Variants in COL16A1 observed in about 807,000 individuals in gnomAD.
The protein encoded by COL16A1 is collagen type XVI alpha 1 chain, also known as collagen alpha-1(XVI) chain.
Under a neutral mutation model 266.3 loss-of-function variants are expected in COL16A1, and 189 were observed. The observed-to-expected ratio is 0.71, with a 90% CI of 0.63 to 0.80. The LOEUF is 0.80. Ranked by LOEUF, COL16A1 falls within the 30% of genes least tolerant of loss-of-function variation. The pLI, the probability that COL16A1 is intolerant of heterozygous loss-of-function variation, is 0.00. For missense variants in COL16A1, 1,928 were observed against 2,122.4 expected (o/e 0.91, Z 1.80); for synonymous variants, 740 against 782.3 (o/e 0.95, Z 0.90).
At chr1:31,681,178 G>C in intron 37 of COL16A1, 111 bp from the exon 38 acceptor site, 44 of 1,440,356 alleles carry the variant, frequency 3.1e-5, no homozygotes, top group Non-Finnish European at 4.0e-5. Context: ...GGTTCCCCTG[G>C]AGCCCAGGGC....
chr1:31,674,859 A>T, intron 44 of COL16A1, 148 bp downstream of exon 44: 1 of 1,299,564 alleles, frequency 7.7e-7, no homozygotes, highest in Non-Finnish European at 1.0e-6. Flanking sequence ...GGCATCAGCT[A>T]GGCCCTCTTA....
At chr1:31,693,566 A>G (rs891160268) in intron 12 of COL16A1, among the ~76,000 whole-genome samples, 9 of 152,188 alleles carry the variant, frequency 5.9e-5, no homozygotes, top group Non-Finnish European at 1.3e-4. Context: ...CACTCAGAGC[A>G]GGTCATGTCG....
At position 31,685,261 on chromosome 1, in the gene COL16A1, C is replaced by A. The variant is rs1243230378; in HGVS notation, c.2016+378G>T. ...ATAACCACAGTGGTAACTGCCATTT[C>A]CCCAGTGCCCATGGTGTACCACTAA... On this transcript the variant is annotated intron_variant, in intron 29 of 70. Transcript: ENST00000373672. The surrounding 1 kb of genome is among the most constrained non-coding windows in gnomAD (Gnocchi z 4.0). Among the ~76,000 whole-genome samples the A allele has an allele frequency of 6.8e-6, 1 of 147,388 alleles. No individual in the cohort carries two copies. Among genetic ancestry groups the A allele is most frequent in the Non-Finnish European group, 1.5e-5 (1 of 67,992 alleles).
rs75242927 is a variant in COL16A1 at position 31,684,644 on chromosome 1, G to A, written c.2053-14C>T. ...CCCAGCATCACCCTGTAAGGAGTGG[G>A]GTTCAAGGAAAGCAAGGATGGCCCA... is the stretch of plus-strand genomic sequence containing the variant. On this transcript the variant is annotated splice_polypyrimidine_tract_variant and intron_variant, in intron 30 of 70. Transcript: ENST00000373672. The A allele has an allele frequency of 2.3e-3, 3,669 of 1,612,608 alleles. 78 individuals are homozygous for A. The African/African-American group carries it at 0.044, about 19-fold the overall frequency.
At chr1:31,662,220 C>T in intron 58 of COL16A1, 114 bp downstream of exon 58, 1 of 1,534,880 alleles carries the variant, frequency 6.5e-7, no homozygotes. Context: ...GGCATGGGTG[C>T]CCCCTGACAA....
At chr1:31,676,756 T>C (rs1157994238) in intron 42 of COL16A1, among the ~76,000 whole-genome samples, 2 of 152,154 alleles carry the variant, frequency 1.3e-5, no homozygotes, top group Admixed American at 6.5e-5. Context: ...AGGCAGGGAG[T>C]ATGTTCCATT....
intron 42 of COL16A1, among the ~76,000 whole-genome samples, chr1:31,675,922 G>A (rs1643143894): frequency 6.6e-6 from 1 of 152,152 alleles, no homozygotes; most frequent in Non-Finnish European, 1.5e-5. Flanking sequence ...CTCTCAAAAT[G>A]TTGAAATTAT....
At position 31,658,506 on chromosome 1, in the gene COL16A1, AG is replaced by A; in HGVS notation, c.4001del (p.Pro1334LeufsTer101). The A allele has an allele frequency of 6.2e-7, 1 of 1,603,854 alleles. No homozygotes were observed. On this transcript the variant is annotated frameshift_variant, in exon 64 of 71. Transcript: ENST00000373672. LOFTEE classifies it high-confidence loss of function. ...LAGLPGQPGP[P>X]GHPGPPGEPG... is the part of the protein sequence containing the mutation. The stretch of plus-strand genomic sequence containing the variant: ...ATCTTACTGGGGGGCCAGGGTGTCC[AG>A]GGGGGCCGGGCTGGCCTGGGAGGCC...
intron 39 of COL16A1, 92 bp downstream of exon 39, chr1:31,680,813 G>A: frequency 1.2e-6 from 2 of 1,601,446 alleles, no homozygotes; most frequent in South Asian, 2.2e-5. Flanking sequence ...GGCTGGAGGG[G>A]CTGCTAATCC....
At chr1:31,674,325 A>C (rs932697456) in intron 44 of COL16A1, among the ~76,000 whole-genome samples, 1 of 152,164 alleles carries the variant, frequency 6.6e-6, no homozygotes, top group Non-Finnish European at 1.5e-5. Flanking sequence ...CTCCTTCAAA[A>C]ACCTGAAGGC....
intron 12 of COL16A1, 126 bp from the exon 13 acceptor site, chr1:31,693,280 G>A (rs1398371514): frequency 1.5e-6 from 1 of 666,838 alleles, no homozygotes; most frequent in South Asian, 1.6e-5. Flanking sequence ...ACGCACACAT[G>A]TGAGCAGTGT....
At chr1:31,665,861 C>A (rs762955101) in intron 54 of COL16A1, 21 bp downstream of exon 54, 1 of 1,614,024 alleles carries the variant, frequency 6.2e-7, no homozygotes, top group East Asian at 2.2e-5. Flanking sequence ...TCCCTGCAGC[C>A]AGGTCCCAGT....
chr1:31,681,444 C>T (rs79756711), intron 37 of COL16A1, among the ~76,000 whole-genome samples: 184 of 152,366 alleles, frequency 1.2e-3, no homozygotes, highest in African/African-American at 4.1e-3. Flanking sequence ...CTGCTCTCTC[C>T]TCTCTCCCTT....
rs143305577 is a variant in COL16A1 at position 31,701,845 on chromosome 1, C to T, written c.73+276G>A. Among the ~76,000 whole-genome samples the T allele has an allele frequency of 3.5e-3, 527 of 152,222 alleles. 2 individuals are homozygous for T. Among genetic ancestry groups the T allele is most frequent in the African/African-American group, 0.012 (505 of 41,514 alleles). ...GGTTGTTCTCTTACACACAGAGACA[C>T]AGGAATACATACGAATGCACAAAGC... On this transcript the variant is annotated intron_variant, in intron 2 of 70. Coordinates refer to ENST00000373672, the MANE Select transcript of COL16A1 (RefSeq NM_001856.4).
At chr1:31,661,637 C>G in intron 59 of COL16A1, 23 bp downstream of exon 59, 4 of 1,613,970 alleles carry the variant, frequency 2.5e-6, no homozygotes, top group Non-Finnish European at 2.5e-6. Flanking sequence ...CAGCTTCCAA[C>G]TCCTTCCTGC....
intron 70 of COL16A1, 54 bp downstream of exon 70, chr1:31,653,544 GA>G (rs1366175297): frequency 1.0e-5 from 16 of 1,558,972 alleles, no homozygotes; most frequent in Non-Finnish European, 1.4e-5. Context: ...GAAACAGAAA[GA>G]AAAGGGGTCT....
At position 31,665,598 on chromosome 1, in the gene COL16A1, G is replaced by A. The variant is rs1462506919; in HGVS notation, c.3477C>T (p.Gly1159=). ...CTTCACTCACCGGTGGGCCCGGAAA[G>A]CCTGGCTGGCCTTGAAATCCCTAGG... ...KGDQGFQGQP[G]FPGPPGPPGF... is the part of the protein sequence containing the mutation. The change falls in exon 55 of 71, where the codon GGC becomes GGT. Residue 1159 remains glycine, a synonymous_variant. Transcript: ENST00000373672. 1 of 1,614,016 alleles carries A rather than the reference G, an allele frequency of 6.2e-7. No homozygotes were observed. The highest frequency in any genetic ancestry group is 1.1e-5 in the South Asian group (1 of 91,062).
chr1:31,661,251 G>T (rs921356994), intron 60 of COL16A1, 132 bp from the exon 61 acceptor site: 11 of 1,475,952 alleles, frequency 7.5e-6, no homozygotes, highest in Non-Finnish European at 1.0e-5. Context: ...CCCTCCAGCT[G>T]GTAGACAGAG....
chr1:31,655,370 G>C lies in COL16A1; in HGVS notation c.4234C>G (p.Pro1412Ala). The change falls in exon 67 of 71, where the codon CCT becomes GCT. Residue 1412 changes from proline to alanine, a missense_variant. Physicochemically the swap from Pro to Ala is conservative, Grantham distance 27. Around this residue, in one of 2 missense-constraint regions of COL16A1, gnomAD observed 376 missense variants for 485.2 expected, o/e 0.77. Transcript: ENST00000373672. The stretch of plus-strand genomic sequence containing the variant: ...CTCCCCGAAGGCCCCGGAGCTCCAG[G>C]GTGGCCTCTCTCTCCTGCAGGGCCC... ...PPGPAGERGHPGAPGPSGSPG... is the reference protein window; with the variant it reads ...PPGPAGERGHAGAPGPSGSPG... The C allele has an allele frequency of 6.2e-7, 1 of 1,613,882 alleles. No individual in the cohort carries two copies. Among genetic ancestry groups the C allele is most frequent in the Non-Finnish European group, 8.5e-7 (1 of 1,179,960 alleles).
Sources: allele counts gnomAD v4.1 joint callset (sites outside exome capture counted in the v4.1 genomes callset), GRCh38; gene constraint gnomAD v4.1.1; regional missense constraint gnomAD v4.1.1; non-coding constraint Gnocchi (gnomAD v3.1); transcripts MANE v1.5; gene names NCBI Gene and HGNC (gene_info 2026-07-23, HGNC 2026-07-21).